Variants in UNC5B observed in about 807,000 individuals in gnomAD.
UNC5B encodes netrin receptor UNC5B.
Under a neutral mutation model 103.7 loss-of-function variants are expected in UNC5B, and 56 were observed. That is an observed-to-expected ratio of 0.54 (90% CI 0.44 to 0.67). UNC5B has a LOEUF of 0.67. Ranked by LOEUF, UNC5B falls within the 30% of genes least tolerant of loss-of-function variation. UNC5B has a pLI of 0.00. For missense variants in UNC5B, 1,194 were observed against 1,284.5 expected, an observed-to-expected ratio of 0.93 and a Z score of 1.08; for synonymous variants, 577 against 542.0, an observed-to-expected ratio of 1.06 and a Z score of -0.90.
Position 71,290,939 on chromosome 10 carries a change from C to G in UNC5B, c.1124C>G (p.Ala375Gly), listed in dbSNP as rs533838225. ...GTGCTGGAGGCCTCAGGGGATGCGG[C>G]GCTGTATGCGGGGCTCGTGGTGGCC... ...SHLLEASGDA[A>G]LYAGLVVAIF... The change falls in exon 9 of 17, where the codon GCG (alanine) becomes GGG (glycine). Residue 375 changes from alanine (A) to glycine (G), a missense_variant. Transcript: ENST00000335350. 1 of 1,613,182 alleles carries G rather than the reference C, an allele frequency of 6.2e-7. No homozygotes were observed. Among genetic ancestry groups the G allele is most frequent in the Non-Finnish European group, 8.5e-7 (1 of 1,179,900 alleles).
chr10:71,237,518 C>A (rs576998455), intron 1 of UNC5B, among the ~76,000 whole-genome samples: 1 of 150,420 alleles, frequency 6.6e-6, no homozygotes. Context: ...GACCTCAGTT[C>A]TCTCATCTGT....
rs187535177 is a variant in UNC5B, at chr10:71,243,117, C to T, written c.79+30053C>T. ...GGGCATGGTGGCACGCGCCTATAAT[C>T]CCAGCTACTTGGGAGGCTGAGGCAG... is the stretch of plus-strand genomic sequence containing the variant. On this transcript the variant is annotated intron_variant, in intron 1 of 16. Transcript: ENST00000335350. Among the ~76,000 whole-genome samples, 3 of 152,274 alleles carry T rather than the reference C, an allele frequency of 2.0e-5. No homozygotes were observed. The East Asian group carries it at 5.8e-4, about 29-fold the overall frequency.
intron 1 of UNC5B, among the ~76,000 whole-genome samples, chr10:71,227,677 C>CAT (rs199549561): frequency 1.4e-5 from 2 of 143,418 alleles, no homozygotes; most frequent in African/African-American, 2.6e-5. Context: ...CACATATATA[C>CAT]ATATATATAC....
rs1845565717 is a variant in UNC5B at position 71,300,579 on chromosome 10, C to T, written c.*1302C>T. ...CTGACACCCTCATCCCCTCCTCAGC[C>T]CAGCAGCCTCTAGAGCAGCGTGGTG... On this transcript the variant is annotated 3_prime_UTR_variant, in exon 17 of 17. Coordinates refer to ENST00000335350, the MANE Select transcript of UNC5B (RefSeq NM_170744.5). 1 of 152,414 alleles carries T rather than the reference C, an allele frequency of 6.6e-6. No individual in the cohort carries two copies. The allele number at this position is 152,414 out of a possible 1,614,324, so 9.4% of individuals were successfully genotyped here.
chr10:71,295,363 T>C, intron 13 of UNC5B, among the ~76,000 whole-genome samples: 1 of 141,116 alleles, frequency 7.1e-6, no homozygotes, highest in African/African-American at 2.9e-5. Flanking sequence ...TCTGTCCATC[T>C]GTTCATCCAT....
chr10:71,263,443 C>G (rs1048979117), intron 1 of UNC5B, among the ~76,000 whole-genome samples: 4 of 152,170 alleles, frequency 2.6e-5, no homozygotes, highest in African/African-American at 7.2e-5. Flanking sequence ...GGGGAGGGGG[C>G]CAGAGAGCTC....
chr10:71,252,038 A>G lies in UNC5B; in HGVS notation c.80-27783A>G, dbSNP rs114953314. Among the ~76,000 whole-genome samples the G allele has an allele frequency of 1.2e-3, 176 of 143,258 alleles. 1 individual carries two copies. The highest frequency in any genetic ancestry group is 3.6e-3 in the African/African-American group (149 of 41,300). 94.0% of individuals were successfully genotyped at this position (143,258 alleles called of 152,430 possible). On this transcript the variant is annotated intron_variant, in intron 1 of 16. Coordinates refer to ENST00000335350, the MANE Select transcript of UNC5B (RefSeq NM_170744.5). Reference sequence around the variant, plus strand: ...AAGTGATTTGAAATCTGGGTTAAAAATAAGTGTCACATATATATATTACAA... The same window carrying G: ...AAGTGATTTGAAATCTGGGTTAAAAGTAAGTGTCACATATATATATTACAA...
At chr10:71,262,564 T>A (rs1192001238) in intron 1 of UNC5B, among the ~76,000 whole-genome samples, 1 of 152,114 alleles carries the variant, frequency 6.6e-6, no homozygotes, top group Non-Finnish European at 1.5e-5. Flanking sequence ...TTATTAAGCA[T>A]CTACTGTGTG....
At chr10:71,243,776 C>T (rs1843961369) in intron 1 of UNC5B, among the ~76,000 whole-genome samples, 1 of 152,228 alleles carries the variant, frequency 6.6e-6, no homozygotes, top group South Asian at 2.1e-4. Context: ...CACCTAAGGT[C>T]ACTGGGTGAA....
At chr10:71,228,351 A>G (rs1843614450) in intron 1 of UNC5B, among the ~76,000 whole-genome samples, 1 of 152,098 alleles carries the variant, frequency 6.6e-6, no homozygotes. Flanking sequence ...AAAACTGATC[A>G]GTTTTATTAC....
At chr10:71,238,477 C>T (rs10999739) in intron 1 of UNC5B, among the ~76,000 whole-genome samples, 32,400 of 152,112 alleles carry the variant, frequency 0.21, 3,906 homozygotes, top group Non-Finnish European at 0.29. Flanking sequence ...TCCATGCTTA[C>T]ATTTGCATTT....
intron 4 of UNC5B, 118 bp from the exon 5 acceptor site, chr10:71,286,571 A>G: frequency 7.6e-7 from 1 of 1,321,936 alleles, no homozygotes; most frequent in South Asian, 1.3e-5. Flanking sequence ...CTATAGTCCC[A>G]CCAAGGCCCT....
At position 71,284,728 on chromosome 10, in the gene UNC5B, G is replaced by A; in HGVS notation, c.313G>A (p.Val105Met). ...CTCTCTTCTCCTCCCAGGCCTGCGGGTGCGCGAGGTGCAGATCGAGGTGTC... is the reference window on the plus strand; with the variant it reads ...CTCTCTTCTCCTCCCAGGCCTGCGGATGCGCGAGGTGCAGATCGAGGTGTC... ...EGLDEATGLRVREVQIEVSRQ... is the reference protein window; with the variant it reads ...EGLDEATGLRMREVQIEVSRQ... Residue 105 changes from valine (V) to methionine (M), a missense_variant, in exon 3 of 17, where the codon GTG becomes ATG. By Grantham distance (21) the Val-to-Met change is conservative. Coordinates refer to ENST00000335350, the MANE Select transcript of UNC5B (RefSeq NM_170744.5). 6.2e-7 allele frequency: 1 copy of A among 1,613,750 alleles called. No homozygotes were observed. The highest frequency in any genetic ancestry group is 8.5e-7 in the Non-Finnish European group (1 of 1,180,006).
At chr10:71,246,184 AG>A (rs1844030020) in intron 1 of UNC5B, among the ~76,000 whole-genome samples, 1 of 152,196 alleles carries the variant, frequency 6.6e-6, no homozygotes, top group Non-Finnish European at 1.5e-5. Context: ...GCCCTCGGTA[AG>A]GGAGACCTGG....
Position 71,266,471 on chromosome 10 carries a change from G to A in UNC5B, c.80-13350G>A, listed in dbSNP as rs143468378. Among the ~76,000 whole-genome samples, 212 of 152,280 alleles carry A rather than the reference G, an allele frequency of 1.4e-3. 2 individuals carry two copies. Among genetic ancestry groups the A allele is most frequent in the Admixed American group, 0.011 (175 of 15,304 alleles). On this transcript the variant is annotated intron_variant, in intron 1 of 16. Coordinates refer to ENST00000335350, the MANE Select transcript of UNC5B (RefSeq NM_170744.5). ...AGCGGGCCGAGCCCTGAGCCAAGGC[G>A]GCCCAGCGATTACATCAGCAGGTGC... is the stretch of plus-strand genomic sequence containing the variant.
chr10:71,242,521 C>A (rs1048383340), intron 1 of UNC5B, among the ~76,000 whole-genome samples: 7 of 152,188 alleles, frequency 4.6e-5, no homozygotes, highest in African/African-American at 1.7e-4. Context: ...GGCCTGTCCA[C>A]CCTCTAGAGA....
At chr10:71,232,449 G>A (rs1033094905) in intron 1 of UNC5B, among the ~76,000 whole-genome samples, 5 of 152,266 alleles carry the variant, frequency 3.3e-5, no homozygotes, top group African/African-American at 1.2e-4. Context: ...ACCTGAGCTG[G>A]TGGCCCAGCC....
At position 71,221,376 on chromosome 10, in the gene UNC5B, T is replaced by C. The variant is rs529724030; in HGVS notation, c.79+8312T>C. Among the ~76,000 whole-genome samples the C allele has an allele frequency of 5.9e-5, 9 of 152,272 alleles. No homozygotes were observed. The South Asian group carries it at 1.9e-3, about 32-fold the overall frequency. On this transcript the variant is annotated intron_variant, in intron 1 of 16. Coordinates refer to ENST00000335350, the MANE Select transcript of UNC5B (RefSeq NM_170744.5). The stretch of plus-strand genomic sequence containing the variant: ...CTCAAGTGCGCCCTGCTGAGGGTGT[T>C]AGAGACAGACTTTGCAGGCCTGGCC...
chr10:71,219,463 A>G (rs1843408548), intron 1 of UNC5B, among the ~76,000 whole-genome samples: 1 of 152,156 alleles, frequency 6.6e-6, no homozygotes, highest in Non-Finnish European at 1.5e-5. Flanking sequence ...CTGGGAGGCT[A>G]GGCCAGTCTC....
Sources: allele counts gnomAD v4.1 joint callset (sites outside exome capture counted in the v4.1 genomes callset), GRCh38; gene constraint gnomAD v4.1.1; transcripts MANE v1.5; gene names NCBI Gene and HGNC (gene_info 2026-07-23, HGNC 2026-07-21).